Variants in PDSS2 observed in about 807,000 individuals in gnomAD.
PDSS2 encodes all trans-polyprenyl-diphosphate synthase PDSS2.
PDSS2 carries 31 observed loss-of-function variants against 44.5 expected under a neutral mutation model. The observed-to-expected ratio is 0.70, with a 90% confidence interval of 0.52 to 0.94. The LOEUF is 0.94. Ranked by LOEUF, PDSS2 falls within the 40% of genes least tolerant of loss-of-function variation. The probability of loss-of-function intolerance (pLI) is 0.00; values close to 1 mark genes in which losing one functional copy is unlikely to be tolerated. For missense variants in PDSS2, 452 were observed against 482.2 expected (o/e 0.94, Z 0.59); for synonymous variants, 157 against 180.3 (o/e 0.87, Z 1.03).
chr6:107,244,457 T>C (rs1774543624), intron 4 of PDSS2, among the ~76,000 whole-genome samples: 1 of 152,204 alleles, frequency 6.6e-6, no homozygotes, highest in South Asian at 2.1e-4. Context: ...CCATCCATAG[T>C]AGTGAACTTG....
chr6:107,256,113 C>T lies in PDSS2; in HGVS notation c.631-10494G>A, dbSNP rs527626621. ...TCAAGCAATTCTCCTGTTTCAGCCT[C>T]CCGAGTAGCTGGGGCTACAGGTGCA... On this transcript the variant is annotated intron_variant, in intron 3 of 7. Transcript: ENST00000369037. 2.7e-4 allele frequency among the ~76,000 whole-genome samples: 41 copies of T among 152,290 alleles called. No homozygotes were observed. The South Asian group carries it at 4.3e-3, about 16-fold the overall frequency.
chr6:107,339,699 GA>G (rs149602047), intron 1 of PDSS2, among the ~76,000 whole-genome samples: 1 of 151,484 alleles, frequency 6.6e-6, no homozygotes, highest in Non-Finnish European at 1.5e-5. Flanking sequence ...ATATCCAAAG[GA>G]AAAAAAGGGG....
intron 1 of PDSS2, among the ~76,000 whole-genome samples, chr6:107,440,299 T>C (rs1406706474): frequency 6.6e-6 from 1 of 152,240 alleles, no homozygotes; most frequent in African/African-American, 2.4e-5. Context: ...GCCAGTGTGA[T>C]ATTCCACTTA....
At chr6:107,418,199 A>G (rs1412717967) in intron 1 of PDSS2, among the ~76,000 whole-genome samples, 2 of 152,156 alleles carry the variant, frequency 1.3e-5, no homozygotes, top group African/African-American at 4.8e-5. Context: ...AGATCTCAAG[A>G]TGGGAGGATT....
intron 3 of PDSS2, 108 bp downstream of exon 3, chr6:107,273,921 G>A (rs1158337834): frequency 3.0e-5 from 24 of 803,636 alleles, no homozygotes; most frequent in Non-Finnish European, 4.2e-5. Flanking sequence ...TACTGAGCAT[G>A]TACATGAGGG....
chr6:107,201,186 G>T (rs1387207013), intron 6 of PDSS2, among the ~76,000 whole-genome samples: 1 of 151,956 alleles, frequency 6.6e-6, no homozygotes. Context: ...CCTCCTGTAG[G>T]TGTGCTTCTT....
chr6:107,194,025 G>A lies in PDSS2; in HGVS notation c.1009-171C>T, dbSNP rs886254737. The stretch of plus-strand genomic sequence containing the variant: ...AATCCATGTAAATTGCAAGCATATA[G>A]AAAAGTTAAACGAACAGATCACTGA... On this transcript the variant is annotated intron_variant, in intron 6 of 7. Transcript: ENST00000369037. 3.3e-5 allele frequency among the ~76,000 whole-genome samples: 5 copies of A among 152,048 alleles called. No individual in the cohort carries two copies. The South Asian group carries it at 8.3e-4, about 25-fold the overall frequency.
chr6:107,260,173 G>T (rs1775167303), intron 3 of PDSS2, among the ~76,000 whole-genome samples: 1 of 152,188 alleles, frequency 6.6e-6, no homozygotes, highest in African/African-American at 2.4e-5. Context: ...GCATTTGTCA[G>T]TTAATGACCT....
intron 7 of PDSS2, among the ~76,000 whole-genome samples, chr6:107,156,805 G>C (rs1770915633): frequency 6.6e-6 from 1 of 152,182 alleles, no homozygotes; most frequent in African/African-American, 2.4e-5. Flanking sequence ...TCGCCCACCT[G>C]TGGCAGCCGA....
intron 1 of PDSS2, among the ~76,000 whole-genome samples, chr6:107,368,460 CA>C (rs1222368796): frequency 2.6e-5 from 4 of 152,058 alleles, no homozygotes; most frequent in African/African-American, 9.7e-5. Flanking sequence ...TTCATTTTTA[CA>C]GGTTGGAAGA....
At chr6:107,206,303 C>G (rs1326497162) in intron 6 of PDSS2, among the ~76,000 whole-genome samples, 2 of 152,182 alleles carry the variant, frequency 1.3e-5, no homozygotes, top group Non-Finnish European at 2.9e-5. Flanking sequence ...AACTGCTGAC[C>G]TCAAGTGATC....
At chr6:107,188,277 G>A (rs1772245091) in intron 7 of PDSS2, among the ~76,000 whole-genome samples, 1 of 152,056 alleles carries the variant, frequency 6.6e-6, no homozygotes, top group South Asian at 2.1e-4. Context: ...TACTTGGGAG[G>A]CTGAGGCTGG....
chr6:107,314,530 G>A (rs572779067), intron 2 of PDSS2, among the ~76,000 whole-genome samples: 7 of 152,214 alleles, frequency 4.6e-5, no homozygotes, highest in South Asian at 4.2e-4. Flanking sequence ...TATGCCAGAC[G>A]GTAATGAGCC....
intron 7 of PDSS2, among the ~76,000 whole-genome samples, chr6:107,190,268 CTG>C (rs931666317): frequency 1.3e-5 from 2 of 152,152 alleles, no homozygotes; most frequent in Non-Finnish European, 2.9e-5. Flanking sequence ...TATCCTCAAA[CTG>C]TGTCAAACGC....
chr6:107,245,646 T>TA (rs748769606), intron 3 of PDSS2, 27 bp from the exon 4 acceptor site: 1 of 1,372,750 alleles, frequency 7.3e-7, no homozygotes, highest in South Asian at 1.3e-5. Flanking sequence ...AAAATAAAAA[T>TA]AAAAAAATTT....
At position 107,429,898 on chromosome 6, in the gene PDSS2, AAAAATATATATAT is replaced by A. The variant is rs1437028969; in HGVS notation, c.296+29079_296+29091del. Among the ~76,000 whole-genome samples the A allele has an allele frequency of 3.7e-4, 16 of 42,930 alleles. 1 individual carries two copies. The highest frequency in any genetic ancestry group is 1.1e-3 in the African/African-American group (12 of 10,728). The allele number at this position is 42,930 out of a possible 152,430, so 28.2% of individuals were successfully genotyped here. A position where few individuals can be genotyped will look rare whatever the true frequency, so the allele number is the denominator to read the frequency against. On this transcript the variant is annotated intron_variant, in intron 1 of 7. Coordinates refer to ENST00000369037, the MANE Select transcript of PDSS2 (RefSeq NM_020381.4). ...AAACTTAGTCTCAAAAAAAAAAAAA[AAAAATATATATAT>A]ATATATATATATATATATATATATA... is the stretch of plus-strand genomic sequence containing the variant.
intron 2 of PDSS2, among the ~76,000 whole-genome samples, chr6:107,327,004 T>G (rs929045611): frequency 6.6e-6 from 1 of 152,240 alleles, no homozygotes; most frequent in Non-Finnish European, 1.5e-5. Context: ...TAATGTTTTT[T>G]CATTCTTGCA....
chr6:107,431,152 A>C (rs185289395), intron 1 of PDSS2, among the ~76,000 whole-genome samples: 2 of 152,348 alleles, frequency 1.3e-5, no homozygotes, highest in Admixed American at 6.5e-5. Flanking sequence ...AGCAGGTAGT[A>C]AATGACTGAT....
intron 2 of PDSS2, among the ~76,000 whole-genome samples, chr6:107,318,637 C>T (rs1030312600): frequency 6.6e-6 from 1 of 152,062 alleles, no homozygotes; most frequent in Non-Finnish European, 1.5e-5. Flanking sequence ...AGCTAGCAAT[C>T]CATTATTTCT....
Sources: allele counts gnomAD v4.1 joint callset (sites outside exome capture counted in the v4.1 genomes callset), GRCh38; gene constraint gnomAD v4.1.1; transcripts MANE v1.5; gene names NCBI Gene and HGNC (gene_info 2026-07-23, HGNC 2026-07-21).